HDAC9: variants seen among roughly 807,000 people sequenced by gnomAD.
HDAC9 encodes histone deacetylase 9.
A neutral mutation model predicts 139.4 loss-of-function variants in HDAC9; 41 were observed. The observed-to-expected ratio is 0.29, with a 90% CI of 0.23 to 0.38. The LOEUF (loss-of-function observed/expected upper bound fraction) is 0.38, where lower values mean the gene tolerates loss of function less well. HDAC9 is among the 10% of genes least tolerant of loss of function. The pLI is 1.00. For missense variants in HDAC9, 1,147 were observed against 1,297.0 expected (o/e 0.88, Z 1.78); for synonymous variants, 517 against 476.2 (o/e 1.09, Z -1.12).
chr7:18,459,318 T>G (rs1237549745), intron 1 of HDAC9, among the ~76,000 whole-genome samples: 1 of 152,104 alleles, frequency 6.6e-6, no homozygotes, highest in Non-Finnish European at 1.5e-5. Flanking sequence ...CCCAGAAAAG[T>G]GTAATAGAAG....
At chr7:18,345,572 C>CA (rs35183114) in intron 1 of HDAC9, among the ~76,000 whole-genome samples, 9,708 of 123,310 alleles carry the variant, frequency 0.079, 356 homozygotes, top group Admixed American at 0.1. Flanking sequence ...CAACAGAAGA[C>CA]AAAAAAAAAA....
chr7:18,157,170 G>A (rs1013062452), intron 1 of HDAC9, among the ~76,000 whole-genome samples: 2 of 152,164 alleles, frequency 1.3e-5, no homozygotes, highest in African/African-American at 2.4e-5. Flanking sequence ...ATGGACACGC[G>A]AATGATACTG....
chr7:18,241,026 T>A (rs1363983312), intron 2 of HDAC9, among the ~76,000 whole-genome samples: 1 of 152,176 alleles, frequency 6.6e-6, no homozygotes, highest in African/African-American at 2.4e-5. Context: ...AGATCTTTGA[T>A]CTCAGAAATT....
At chr7:18,497,725 G>A (rs918595044) in intron 2 of HDAC9, among the ~76,000 whole-genome samples, 1 of 152,112 alleles carries the variant, frequency 6.6e-6, no homozygotes, top group Admixed American at 6.6e-5. Context: ...TTTAAAATAT[G>A]GATGAACCCT....
At chr7:18,271,511 A>C (rs768688987) in intron 2 of HDAC9, among the ~76,000 whole-genome samples, 1 of 152,206 alleles carries the variant, frequency 6.6e-6, no homozygotes, top group Non-Finnish European at 1.5e-5. Context: ...AACATCTGGT[A>C]CCAGTTTCCC....
intron 1 of HDAC9, among the ~76,000 whole-genome samples, chr7:18,130,965 A>G (rs1784963630): frequency 6.6e-6 from 1 of 152,144 alleles, no homozygotes; most frequent in Non-Finnish European, 1.5e-5. Flanking sequence ...CATAAAATTT[A>G]TATTAATGAA....
chr7:18,492,123 G>T (rs80327988), upstream of HDAC9, among the ~76,000 whole-genome samples: 761 of 152,020 alleles, frequency 5.0e-3, 12 homozygotes, highest in African/African-American at 0.016. Flanking sequence ...TCACCAGAAT[G>T]CAGCTTTCAA....
At chr7:18,344,919 A>G (rs1480023806) in intron 1 of HDAC9, among the ~76,000 whole-genome samples, 2 of 152,086 alleles carry the variant, frequency 1.3e-5, no homozygotes, top group African/African-American at 4.8e-5. Context: ...GCAGTCTTTA[A>G]TGAACAAATC....
intron 1 of HDAC9, among the ~76,000 whole-genome samples, chr7:18,324,276 G>A (rs1475179187): frequency 2.6e-5 from 4 of 152,112 alleles, no homozygotes; most frequent in Admixed American, 6.6e-5. Flanking sequence ...GCTACAAAAT[G>A]CTAGTAGGAA....
intron 16 of HDAC9, among the ~76,000 whole-genome samples, chr7:18,786,470 C>CTTTCT (rs113788268): frequency 0.049 from 1,014 of 20,650 alleles, 7 homozygotes; most frequent in African/African-American, 0.082. Flanking sequence ...TCCTTCCTTT[C>CTTTCT]GTCCTTCCTT....
intron 2 of HDAC9, among the ~76,000 whole-genome samples, chr7:18,577,549 A>G (rs998045914): frequency 2.0e-5 from 3 of 151,978 alleles, no homozygotes; most frequent in Non-Finnish European, 4.4e-5. Context: ...TATTCTCAGA[A>G]CCTGATTACC....
At chr7:18,255,281 C>T (rs931896312) in intron 2 of HDAC9, among the ~76,000 whole-genome samples, 1 of 152,100 alleles carries the variant, frequency 6.6e-6, no homozygotes, top group Non-Finnish European at 1.5e-5. Context: ...TGGAATTGGT[C>T]AGGAGACAGA....
chr7:18,282,519 C>T (rs77290004), intron 2 of HDAC9, among the ~76,000 whole-genome samples: 2,999 of 152,108 alleles, frequency 0.02, 45 homozygotes, highest in Non-Finnish European at 0.027. Context: ...TGCAAGGTCC[C>T]GGGACCCTTT....
At chr7:18,209,443 A>T (rs1006357010) in intron 2 of HDAC9, among the ~76,000 whole-genome samples, 2 of 152,180 alleles carry the variant, frequency 1.3e-5, no homozygotes, top group Non-Finnish European at 2.9e-5. Flanking sequence ...CTTGCTAAGT[A>T]CTTCTGACTT....
At chr7:18,471,026 G>A (rs1406627493) in intron 1 of HDAC9, among the ~76,000 whole-genome samples, 1 of 149,370 alleles carries the variant, frequency 6.7e-6, no homozygotes, top group Non-Finnish European at 1.5e-5. Flanking sequence ...TTTTTATTTT[G>A]AACTATATTT....
At chr7:18,944,631 C>G (rs1782246315) in intron 23 of HDAC9, among the ~76,000 whole-genome samples, 1 of 152,072 alleles carries the variant, frequency 6.6e-6, no homozygotes, top group African/African-American at 2.4e-5. Flanking sequence ...TCACAGAGAT[C>G]ACATATGTAA....
rs913836315 is a variant in HDAC9 at position 18,239,129 on chromosome 7, GT to G, written c.25+76790del. 3.2e-4 allele frequency among the ~76,000 whole-genome samples: 49 copies of G among 151,626 alleles called. 1 individual carries two copies. The highest frequency in any genetic ancestry group is 9.2e-4 in the Admixed American group (14 of 15,228). On this transcript the variant is annotated intron_variant, in intron 2 of 12. Transcript: ENST00000417496. ...GTGTCAGAGTACACATCTTATTTTT[GT>G]TTTTTTTTTCCCCCTAAAAGACAAT...
intron 1 of HDAC9, among the ~76,000 whole-genome samples, chr7:18,132,463 G>A (rs1785077440): frequency 1.3e-5 from 2 of 152,014 alleles, no homozygotes; most frequent in Admixed American, 1.3e-4. Flanking sequence ...AGGTTAAAGT[G>A]CAGCGGGTGA....
intron 1 of HDAC9, among the ~76,000 whole-genome samples, chr7:18,348,559 G>T (rs776008975): frequency 1.8e-4 from 28 of 151,958 alleles, no homozygotes; most frequent in Non-Finnish European, 3.5e-4. Flanking sequence ...TTTCTATTAG[G>T]TATTTTTACT....
Sources: gnomAD v4.1 joint callset for allele counts (sites outside exome capture counted in the v4.1 genomes callset) on GRCh38, gnomAD v4.1.1 for gene constraint, MANE v1.5 for transcripts, NCBI Gene and HGNC (gene_info 2026-07-23, HGNC 2026-07-21) for gene names.